The following PCTP variants were observed in gnomAD, a reference collection of about 807,000 sequenced individuals.
PCTP encodes the protein START domain-containing protein 2.
PCTP carries 27 observed loss-of-function variants against 31.0 expected under a neutral mutation model. That is an observed-to-expected ratio of 0.87 (90% CI 0.64 to 1.20). The LOEUF is 1.20. PCTP is among the 50% of genes most tolerant of loss of function. PCTP has a pLI of 0.00. For synonymous variants in PCTP, 108 were observed against 101.2 expected (o/e 1.07, Z -0.40); for missense variants, 287 against 268.2 (o/e 1.07, Z -0.49).
chr17:55,763,251 G>A (rs1910436105), intron 1 of PCTP, among the ~76,000 whole-genome samples: 2 of 152,120 alleles, frequency 1.3e-5, no homozygotes. Context: ...AATAAGTTTT[G>A]CTTTTTCATA....
At chr17:55,814,053 CAAAA>C (rs111612560) in intron 3 of PCTP, among the ~76,000 whole-genome samples, 2 of 121,288 alleles carry the variant, frequency 1.6e-5, no homozygotes, top group African/African-American at 3.0e-5. Context: ...GACCCTGTGT[CAAAA>C]AAAAAAAAAA....
At chr17:55,828,225 G>T (rs1353985885) in intron 5 of PCTP, among the ~76,000 whole-genome samples, 1 of 152,168 alleles carries the variant, frequency 6.6e-6, no homozygotes, top group Non-Finnish European at 1.5e-5. Context: ...GCCTCCTAGG[G>T]CTGCTGTAAC....
intron 1 of PCTP, among the ~76,000 whole-genome samples, chr17:55,765,300 A>G (rs1910576589): frequency 6.6e-6 from 1 of 152,192 alleles, no homozygotes; most frequent in Non-Finnish European, 1.5e-5. Flanking sequence ...TGGATGCTTA[A>G]TAAACATCTT....
chr17:55,751,515 C>T (rs1168409816), intron 1 of PCTP: 6 of 1,491,614 alleles, frequency 4.0e-6, no homozygotes, highest in African/African-American at 1.4e-5. Context: ...AAGTTAATGA[C>T]AGTTGAAACG....
chr17:55,816,686 G>T (rs146666321), intron 3 of PCTP, among the ~76,000 whole-genome samples: 29 of 152,260 alleles, frequency 1.9e-4, no homozygotes, highest in Admixed American at 7.2e-4. Context: ...TAACACGGAC[G>T]CCATCAGCTC....
downstream of PCTP, among the ~76,000 whole-genome samples, chr17:55,780,340 C>T (rs963167071): frequency 1.3e-5 from 2 of 152,164 alleles, no homozygotes; most frequent in African/African-American, 4.8e-5. Flanking sequence ...TTCTAAGTTT[C>T]CTGTGTGATA....
intron 3 of PCTP, among the ~76,000 whole-genome samples, chr17:55,789,885 A>G (rs917456911): frequency 6.6e-6 from 1 of 152,220 alleles, no homozygotes; most frequent in African/African-American, 2.4e-5. Context: ...CTTGATGAAC[A>G]TTGATGCAAA....
downstream of PCTP, among the ~76,000 whole-genome samples, chr17:55,827,968 C>G (rs1354337600): frequency 6.6e-6 from 1 of 152,068 alleles, no homozygotes; most frequent in Non-Finnish European, 1.5e-5. Context: ...TTTGATAGAG[C>G]TGAATTTTAT....
intron 3 of PCTP, among the ~76,000 whole-genome samples, chr17:55,792,799 G>T (rs1912047821): frequency 6.6e-6 from 1 of 152,062 alleles, no homozygotes; most frequent in Non-Finnish European, 1.5e-5. Context: ...TTCATTTCAA[G>T]TATTTGTCTT....
chr17:55,810,102 A>G (rs1157335680), intron 3 of PCTP, among the ~76,000 whole-genome samples: 2 of 151,872 alleles, frequency 1.3e-5, no homozygotes, highest in Non-Finnish European at 2.9e-5. Flanking sequence ...TCACTGCAAC[A>G]TTAAACTCCC....
the PCTP span, among the ~76,000 whole-genome samples, chr17:55,851,045 C>T: frequency 1.3e-5 from 2 of 152,134 alleles, no homozygotes; most frequent in African/African-American, 4.8e-5. Context: ...GATATGGAAA[C>T]CAATATCTTC....
chr17:55,775,982 T>C lies in PCTP; in HGVS notation c.580-53T>C. ...TTACCTTCTGCCACATCCCAAAGAA[T>C]CAAGAGTGACCACTGTGAAGACATA... On this transcript the variant is annotated intron_variant, in intron 5 of 5. Coordinates refer to ENST00000268896, the MANE Select transcript of PCTP (RefSeq NM_021213.4). 5.0e-6 allele frequency: 8 copies of C among 1,606,242 alleles called. No individual in the cohort carries two copies. The South Asian group carries it at 8.9e-5, about 18-fold the overall frequency.
chr17:55,850,115 C>A, the PCTP span, among the ~76,000 whole-genome samples: 1 of 151,932 alleles, frequency 6.6e-6, no homozygotes, highest in African/African-American at 2.4e-5. Flanking sequence ...TAAAATGTAA[C>A]CTTTAGTATC....
At chr17:55,845,299 A>T (rs1320022402), downstream of PCTP, among the ~76,000 whole-genome samples, 1 of 152,004 alleles carries the variant, frequency 6.6e-6, no homozygotes, top group Non-Finnish European at 1.5e-5. Flanking sequence ...GTCTTTCAAG[A>T]TAAACGGAAC....
intron 3 of PCTP, among the ~76,000 whole-genome samples, chr17:55,819,033 A>AG (rs1198767538): frequency 8.1e-5 from 12 of 148,718 alleles, no homozygotes; most frequent in Non-Finnish European, 1.0e-4. Flanking sequence ...AAAAAAAAAA[A>AG]AAAAGAAAAG....
intron 5 of PCTP, among the ~76,000 whole-genome samples, chr17:55,835,017 A>C (rs1382483129): frequency 6.6e-6 from 1 of 152,184 alleles, no homozygotes; most frequent in Non-Finnish European, 1.5e-5. Context: ...CCTTATAAGA[A>C]GAGGGAAATT....
At chr17:55,765,079 C>A (rs1327476627) in intron 1 of PCTP, among the ~76,000 whole-genome samples, 1 of 152,086 alleles carries the variant, frequency 6.6e-6, no homozygotes, top group Non-Finnish European at 1.5e-5. Flanking sequence ...TCTAGAAAGG[C>A]CTTTTCCCAA....
At chr17:55,788,060 C>G (rs9909836) in intron 3 of PCTP, among the ~76,000 whole-genome samples, 6,443 of 152,266 alleles carry the variant, frequency 0.042, 445 homozygotes, top group African/African-American at 0.14. Context: ...CATATTTATA[C>G]TACTGGATTG....
At chr17:55,829,780 G>A (rs1267472666) in intron 5 of PCTP, among the ~76,000 whole-genome samples, 1 of 152,096 alleles carries the variant, frequency 6.6e-6, no homozygotes, top group African/African-American at 2.4e-5. Flanking sequence ...ACTGAGACCA[G>A]AATCCACAGA....
Sources: gnomAD v4.1 joint callset for allele counts (sites outside exome capture counted in the v4.1 genomes callset) on GRCh38, gnomAD v4.1.1 for gene constraint, MANE v1.5 for transcripts, NCBI Gene and HGNC (gene_info 2026-07-23, HGNC 2026-07-21) for gene names.